The following CBLB variants were observed in gnomAD, a reference collection of about 807,000 sequenced individuals.
CBLB encodes Cbl proto-oncogene B, also known as E3 ubiquitin-protein ligase CBL-B.
A neutral mutation model predicts 104.9 loss-of-function variants in CBLB; 31 were observed. The observed-to-expected ratio is 0.30, with a 90% confidence interval of 0.22 to 0.40. The LOEUF (loss-of-function observed/expected upper bound fraction) is 0.40. Ranked by LOEUF, CBLB falls within the 10% of genes least tolerant of loss-of-function variation. The pLI is 1.00. For missense variants in CBLB, 1,062 were observed against 1,214.6 expected (o/e 0.87, Z 1.87); for synonymous variants, 440 against 422.6 (o/e 1.04, Z -0.51).
chr3:105,695,053 T>C (rs964457487), intron 12 of CBLB, among the ~76,000 whole-genome samples: 3 of 152,012 alleles, frequency 2.0e-5, no homozygotes, highest in South Asian at 2.1e-4. Flanking sequence ...TCATTCTTCA[T>C]TGGAATTCTT....
chr3:105,749,315 A>C (rs2076390175), intron 5 of CBLB, among the ~76,000 whole-genome samples: 1 of 152,204 alleles, frequency 6.6e-6, no homozygotes, highest in Non-Finnish European at 1.5e-5. Flanking sequence ...TCCCTAGCCC[A>C]GGTAAGATTT....
chr3:105,667,655 A>G (rs1559743900), intron 18 of CBLB, among the ~76,000 whole-genome samples: 1 of 152,352 alleles, frequency 6.6e-6, no homozygotes, highest in East Asian at 1.9e-4. Context: ...ATGTAGACAT[A>G]CATATACATG....
chr3:105,691,135 C>T (rs1445377323), intron 13 of CBLB, among the ~76,000 whole-genome samples: 1 of 152,158 alleles, frequency 6.6e-6, no homozygotes, highest in African/African-American at 2.4e-5. Flanking sequence ...CTCTTATATA[C>T]TTTGCATATT....
At chr3:105,814,072 A>C (rs1404945071) in intron 3 of CBLB, among the ~76,000 whole-genome samples, 1 of 152,182 alleles carries the variant, frequency 6.6e-6, no homozygotes, top group African/African-American at 2.4e-5. Flanking sequence ...AATTCTTTCT[A>C]ATGAAAATTT....
chr3:105,862,166 GAC>G (rs1021217450), intron 2 of CBLB, among the ~76,000 whole-genome samples: 12 of 152,014 alleles, frequency 7.9e-5, no homozygotes, highest in African/African-American at 2.9e-4. Flanking sequence ...CGAAATCTCT[GAC>G]AGTTATATAG....
chr3:105,704,473 T>C (rs2069757835), intron 10 of CBLB, among the ~76,000 whole-genome samples: 1 of 152,190 alleles, frequency 6.6e-6, no homozygotes, highest in African/African-American at 2.4e-5. Context: ...GAAAACCATC[T>C]ATATTTTATG....
intron 17 of CBLB, among the ~76,000 whole-genome samples, chr3:105,677,168 G>A (rs1421516110): frequency 3.9e-5 from 6 of 151,982 alleles, no homozygotes; most frequent in Non-Finnish European, 8.8e-5. Flanking sequence ...CAGGTCAGGA[G>A]GCATCTATCA....
intron 18 of CBLB, among the ~76,000 whole-genome samples, chr3:105,669,136 G>A (rs1038345852): frequency 6.6e-6 from 1 of 151,682 alleles, no homozygotes; most frequent in African/African-American, 2.4e-5. Flanking sequence ...CATATGCTGG[G>A]CACTATGTTG....
Position 105,758,405 on chromosome 3 carries a change from A to G in CBLB, c.567-6787T>C, listed in dbSNP as rs921577899. On this transcript the variant is annotated intron_variant, in intron 4 of 18. Transcript: ENST00000394030. ...ATAATTTTTATTTGTCAAAAAGCTCATAACACTTTGTCTCTAGTGCAGATA... is the reference window on the plus strand; with the variant it reads ...ATAATTTTTATTTGTCAAAAAGCTCGTAACACTTTGTCTCTAGTGCAGATA... 4.6e-5 allele frequency among the ~76,000 whole-genome samples: 7 copies of G among 152,340 alleles called. No homozygotes were observed. In the South Asian group the frequency reaches 6.2e-4, roughly 14 times the overall value.
At chr3:105,821,456 A>C (rs1340930623) in intron 3 of CBLB, among the ~76,000 whole-genome samples, 2 of 152,146 alleles carry the variant, frequency 1.3e-5, no homozygotes, top group African/African-American at 4.8e-5. Context: ...CCATCACACA[A>C]ACCAGTCTAT....
chr3:105,770,396 C>G (rs527928806), intron 4 of CBLB, among the ~76,000 whole-genome samples: 1 of 152,122 alleles, frequency 6.6e-6, no homozygotes, highest in African/African-American at 2.4e-5. Flanking sequence ...ATAGCTGGAA[C>G]AGATTTAGGG....
intron 18 of CBLB, among the ~76,000 whole-genome samples, chr3:105,664,809 G>C (rs1013173946): frequency 5.3e-5 from 8 of 152,064 alleles, no homozygotes; most frequent in Non-Finnish European, 1.2e-4. Context: ...GAAATTTCTA[G>C]TACAGTTTTA....
At chr3:105,824,321 G>A (rs1406643221) in intron 3 of CBLB, 1 of 152,090 alleles carries the variant, frequency 6.6e-6, no homozygotes, top group East Asian at 1.9e-4. Context: ...ATGTACTATT[G>A]GTGGAGACTG....
intron 1 of CBLB, chr3:105,868,323 C>A: frequency 1.2e-6 from 1 of 828,350 alleles, no homozygotes; most frequent in Non-Finnish European, 1.6e-6. Flanking sequence ...TGCCCTCAAC[C>A]CAAAGCTTTG....
At chr3:105,758,948 C>T (rs766616569) in intron 4 of CBLB, among the ~76,000 whole-genome samples, 5 of 152,134 alleles carry the variant, frequency 3.3e-5, no homozygotes, top group Admixed American at 6.5e-5. Flanking sequence ...CAATGTGGGG[C>T]GTGAAGGGGG....
At chr3:105,677,815 AAT>A (rs900527571) in intron 17 of CBLB, among the ~76,000 whole-genome samples, 44 of 148,924 alleles carry the variant, frequency 3.0e-4, no homozygotes, top group Admixed American at 3.0e-3. Flanking sequence ...AATATTATAT[AAT>A]ATATACATAT....
At chr3:105,779,175 G>A (rs2079838342) in intron 3 of CBLB, among the ~76,000 whole-genome samples, 1 of 151,932 alleles carries the variant, frequency 6.6e-6, no homozygotes, top group South Asian at 2.1e-4. Flanking sequence ...ATTTTTACTT[G>A]TTAGATCTAA....
rs778256686 is a variant in CBLB at position 105,867,589 on chromosome 3, G to A, written c.-12C>T. 1.2e-6 allele frequency: 2 copies of A among 1,613,908 alleles called. No individual in the cohort carries two copies. Among genetic ancestry groups the A allele is most frequent in the South Asian group, 2.2e-5 (2 of 91,078 alleles). On this transcript the variant is annotated splice_region_variant and 5_prime_UTR_variant, in exon 2 of 19. Coordinates refer to ENST00000394030, the MANE Select transcript of CBLB (RefSeq NM_170662.5). The stretch of plus-strand genomic sequence containing the variant: ...ATTGAGTTTGCCATCTGGAATTTTA[G>A]TTCTTTAAAAGGCAGATTTAAAAAA...
chr3:105,722,636 T>C (rs555034359), intron 9 of CBLB, among the ~76,000 whole-genome samples: 61 of 152,304 alleles, frequency 4.0e-4, no homozygotes, highest in South Asian at 6.2e-4. Context: ...GTACAGTGCA[T>C]AGAATGTGCA....
Sources: allele counts gnomAD v4.1 joint callset (sites outside exome capture counted in the v4.1 genomes callset), GRCh38; gene constraint gnomAD v4.1.1; transcripts MANE v1.5; gene names NCBI Gene and HGNC (gene_info 2026-07-23, HGNC 2026-07-21).